The following SULT1C2 variants were observed in gnomAD, a reference collection of about 807,000 sequenced individuals.
The protein encoded by SULT1C2 is sulfotransferase family 1C member 2, also known as sulfotransferase 1C2.
SULT1C2 carries 27 observed loss-of-function variants against 36.0 expected under a neutral mutation model. That is an observed-to-expected ratio of 0.75 (90% CI 0.55 to 1.03). The LOEUF (loss-of-function observed/expected upper bound fraction) is 1.03. SULT1C2 is among the 50% of genes least tolerant of loss of function. The pLI is 0.00. For synonymous variants in SULT1C2, 121 were observed against 116.0 expected (o/e 1.04, Z -0.27); for missense variants, 395 against 359.2 (o/e 1.10, Z -0.80).
chr2:108,308,197 G>T (rs1409403731), intron 7 of SULT1C2, among the ~76,000 whole-genome samples, 155 bp from the exon 8 acceptor site: 1 of 152,160 alleles, frequency 6.6e-6, no homozygotes, highest in Non-Finnish European at 1.5e-5. Context: ...CTTCTTATAG[G>T]AGAGCTGCTC....
Position 108,294,337 on chromosome 2 carries a change from G to T in SULT1C2, c.260G>T (p.Arg87Leu). 1 of 1,613,214 alleles carries T rather than the reference G, an allele frequency of 6.2e-7. No individual in the cohort carries two copies. The highest frequency in any genetic ancestry group is 1.7e-5 in the Admixed American group (1 of 59,930). ...CGCCATCCTTTCATTGAGTGGGCTC[G>T]GCCACCCCAACCTTCTGGTGAGAGC... ...QHRHPFIEWA[R>L]PPQPSGVEKA... Residue 87 changes from arginine (R) to leucine (L), a missense_variant, in exon 3 of 8, where the codon CGG becomes CTG. Physicochemically the swap from Arg to Leu is moderately radical, Grantham distance 102. Coordinates refer to ENST00000251481, the MANE Select transcript of SULT1C2 (RefSeq NM_001056.4).
In SULT1C2 at chr2:108,305,326, CAA is replaced by C. The variant is rs1351052182; in HGVS notation, c.597+62_597+63del. ...GTGGTTCTTCAGGTGCAGAGAAATT[CAA>C]AGTTGTTTCAAAGGACATCCCAGAG... On this transcript the variant is annotated intron_variant, in intron 6 of 7. Transcript: ENST00000251481. The C allele has an allele frequency of 6.8e-6, 11 of 1,610,382 alleles. No individual in the cohort carries two copies. The East Asian group carries it at 2.2e-4, about 33-fold the overall frequency.
intron 3 of SULT1C2, 50 bp from the exon 4 acceptor site, chr2:108,300,788 C>G: frequency 1.9e-6 from 3 of 1,612,172 alleles, no homozygotes; most frequent in Non-Finnish European, 2.5e-6. Context: ...CATGAGGTCC[C>G]CATGTAGTGC....
Position 108,304,499 on chromosome 2 carries a change from G to A in SULT1C2, c.376-75G>A, listed in dbSNP as rs17036083. 9.1e-5 allele frequency: 137 copies of A among 1,504,478 alleles called. 3 individuals are homozygous for A. The South Asian group carries it at 1.7e-3, about 19-fold the overall frequency. The allele number at this position is 1,504,478 out of a possible 1,614,324, so 93.2% of individuals were successfully genotyped here. ...CAGAGTGCACAGCAACCCTCAGGAT[G>A]GCTCTGCCTAAGGGAACTCTGTGAA... On this transcript the variant is annotated intron_variant, in intron 4 of 7. Coordinates refer to ENST00000251481, the MANE Select transcript of SULT1C2 (RefSeq NM_001056.4).
At chr2:108,295,076 G>T (rs1676690179) in intron 3 of SULT1C2, among the ~76,000 whole-genome samples, 1 of 152,178 alleles carries the variant, frequency 6.6e-6, no homozygotes, top group African/African-American at 2.4e-5. Context: ...TGCAGCTCTA[G>T]CATGAAGTCT....
rs1676525245 is a variant in SULT1C2 at position 108,288,921 on chromosome 2, TGCTG to T, written c.-167_-164del. The T allele has an allele frequency of 6.6e-6, 1 of 152,592 alleles. No individual in the cohort carries two copies. Among genetic ancestry groups the T allele is most frequent in the South Asian group, 2.1e-4 (1 of 4,816 alleles). The allele number at this position is 152,592 out of a possible 1,614,324, so 9.5% of individuals were successfully genotyped here. Reference sequence around the variant, plus strand: ...CACTGAAGCTGAGAGCCTCCCAAAGTGCTGGCTACCTGCTGAGCGCCCCCGTAAC... The same window carrying T: ...CACTGAAGCTGAGAGCCTCCCAAAGTGCTACCTGCTGAGCGCCCCCGTAAC... On this transcript the variant is annotated 5_prime_UTR_variant, in exon 1 of 8. Coordinates refer to ENST00000251481, the MANE Select transcript of SULT1C2 (RefSeq NM_001056.4).
At chr2:108,289,257 G>A (rs1253621268) in intron 1 of SULT1C2, among the ~76,000 whole-genome samples, 187 bp downstream of exon 1, 1 of 152,062 alleles carries the variant, frequency 6.6e-6, no homozygotes, top group East Asian at 1.9e-4. Flanking sequence ...TAGAAATTCA[G>A]GACCCCCCTC....
In SULT1C2 at chr2:108,308,598, G is replaced by A. The variant is rs1677079562; in HGVS notation, c.*134G>A. 1 of 675,260 alleles carries A rather than the reference G, an allele frequency of 1.5e-6. No individual in the cohort carries two copies. Among genetic ancestry groups the A allele is most frequent in the Non-Finnish European group, 2.4e-6 (1 of 424,098 alleles). 41.8% of individuals were successfully genotyped at this position (675,260 alleles called of 1,614,324 possible). ...ATGTAGTACAAACAATCTCTGTGAT[G>A]ATTAACAGTATGTCACCACTTCATT... On this transcript the variant is annotated 3_prime_UTR_variant, in exon 8 of 8. Coordinates refer to ENST00000251481, the MANE Select transcript of SULT1C2 (RefSeq NM_001056.4).
intron 2 of SULT1C2, 91 bp from the exon 3 acceptor site, chr2:108,294,138 A>C: frequency 6.4e-7 from 1 of 1,558,730 alleles, no homozygotes; most frequent in South Asian, 1.2e-5. Flanking sequence ...TGCAAACACC[A>C]AGGCTCTACA....
rs1377627517 is a variant in SULT1C2 at position 108,305,152 on chromosome 2, G to A, written c.503-20G>A. The A allele has an allele frequency of 3.7e-6, 6 of 1,613,662 alleles. No individual in the cohort carries two copies. The East Asian group carries it at 1.1e-4, about 30-fold the overall frequency. On this transcript the variant is annotated intron_variant, in intron 5 of 7. Coordinates refer to ENST00000251481, the MANE Select transcript of SULT1C2 (RefSeq NM_001056.4). Reference sequence around the variant, plus strand: ...GTGTGATGCCTATGTAGACTATTCTGTTTCCTGTGTCTATTTCAGTGGTTT... The same window carrying A: ...GTGTGATGCCTATGTAGACTATTCTATTTCCTGTGTCTATTTCAGTGGTTT...
Position 108,294,489 on chromosome 2 carries a change from CATTT to C in SULT1C2, c.277+136_277+139del, listed in dbSNP as rs1465343789. 1,745 of 899,570 alleles carry C rather than the reference CATTT, an allele frequency of 1.9e-3. 8 individuals carry two copies. The highest frequency in any genetic ancestry group is 2.5e-3 in the Non-Finnish European group (1,526 of 614,226). The allele number at this position is 899,570 out of a possible 1,614,324, so 55.7% of individuals were successfully genotyped here. A position where few individuals can be genotyped will look rare whatever the true frequency, so the allele number is the denominator to read the frequency against. ...TCTCCTTCCTCTTCTCTTTCTCTCT[CATTT>C]TCACTGTCATATGTTTCTTCCTTTT... On this transcript the variant is annotated intron_variant, in intron 3 of 7. Coordinates refer to ENST00000251481, the MANE Select transcript of SULT1C2 (RefSeq NM_001056.4).
chr2:108,304,431 G>C, intron 4 of SULT1C2, 143 bp from the exon 5 acceptor site: 2 of 786,154 alleles, frequency 2.5e-6, no homozygotes, highest in Non-Finnish European at 3.9e-6. Context: ...AGAAGAGGGA[G>C]GTCACAAGGC....
intron 3 of SULT1C2, among the ~76,000 whole-genome samples, chr2:108,295,490 T>C (rs984393967): frequency 1.1e-4 from 17 of 152,206 alleles, no homozygotes; most frequent in Admixed American, 1.1e-3. Flanking sequence ...GGTATAATAG[T>C]TAAGGACTAC....
rs1274931920 is a variant in SULT1C2, at chr2:108,293,649, A to C, written c.-19A>C. On this transcript the variant is annotated splice_region_variant and 5_prime_UTR_variant, in exon 2 of 8. Coordinates refer to ENST00000251481, the MANE Select transcript of SULT1C2 (RefSeq NM_001056.4). The stretch of plus-strand genomic sequence containing the variant: ...TCTCCTCTATTCTTTTCCCATAGGG[A>C]CCCCAACCCTGAGACACTATGGCCC... The C allele has an allele frequency of 6.3e-7, 1 of 1,589,014 alleles. No homozygotes were observed.
chr2:108,291,549 T>C (rs1676590838), intron 1 of SULT1C2, among the ~76,000 whole-genome samples: 1 of 152,234 alleles, frequency 6.6e-6, no homozygotes, highest in Admixed American at 6.5e-5. Flanking sequence ...GATAGATGTT[T>C]TCCTTGTACA....
chr2:108,303,122 G>A (rs572327918), intron 4 of SULT1C2: 2 of 152,338 alleles, frequency 1.3e-5, no homozygotes, highest in South Asian at 4.1e-4. Flanking sequence ...AGAAGATGGG[G>A]AGTAGGACTT....
chr2:108,308,407 T>A lies in SULT1C2; in HGVS notation c.834T>A (p.Asp278Glu). 6.2e-7 allele frequency: 1 copy of A among 1,613,356 alleles called. No homozygotes were observed. The highest frequency in any genetic ancestry group is 1.1e-5 in the South Asian group (1 of 90,912). ...HFTVAQNERFDEIYRRKMEGT... is the reference protein window; with the variant it reads ...HFTVAQNERFEEIYRRKMEGT... Reference sequence around the variant, plus strand: ...CTGTTGCCCAGAATGAGAGGTTTGATGAAATCTATAGAAGAAAGATGGAAG... The same window carrying A: ...CTGTTGCCCAGAATGAGAGGTTTGAAGAAATCTATAGAAGAAAGATGGAAG... Residue 278 changes from aspartate (D) to glutamate (E), a missense_variant, in exon 8 of 8, where the codon GAT becomes GAA. By Grantham distance (45) the Asp-to-Glu change is conservative. Coordinates refer to ENST00000251481, the MANE Select transcript of SULT1C2 (RefSeq NM_001056.4).
intron 2 of SULT1C2, 81 bp downstream of exon 2, chr2:108,293,899 G>T: frequency 6.5e-7 from 1 of 1,538,688 alleles, no homozygotes; most frequent in Non-Finnish European, 8.7e-7. Flanking sequence ...CCCCTTCTTA[G>T]GAAACCTGCT....
intron 3 of SULT1C2, chr2:108,300,525 G>A: frequency 2.5e-6 from 1 of 403,278 alleles, no homozygotes; most frequent in Non-Finnish European, 4.3e-6. Flanking sequence ...GCAGGAAGGT[G>A]AGGGAGTCCT....
Sources: allele counts gnomAD v4.1 joint callset (sites outside exome capture counted in the v4.1 genomes callset), GRCh38; gene constraint gnomAD v4.1.1; transcripts MANE v1.5; gene names NCBI Gene and HGNC (gene_info 2026-07-23, HGNC 2026-07-21).